Variants in GRIK4 observed in about 807,000 individuals in gnomAD.
GRIK4 encodes the protein glutamate receptor ionotropic, kainate 4.
A neutral mutation model predicts 104.9 loss-of-function variants in GRIK4; 40 were observed. The observed-to-expected ratio is 0.38, with a 90% CI of 0.30 to 0.50. The LOEUF (loss-of-function observed/expected upper bound fraction) is 0.50. Among genes scored for constraint, GRIK4 ranks in the 20% least tolerant of loss-of-function variants. GRIK4 has a pLI of 0.93. For missense variants in GRIK4, 1,047 were observed against 1,308.1 expected (o/e 0.80, Z 3.08); for synonymous variants, 485 against 524.9 (o/e 0.92, Z 1.04).
chr11:120,704,162 A>G (rs1334908210), intron 3 of GRIK4, among the ~76,000 whole-genome samples: 4 of 152,224 alleles, frequency 2.6e-5, no homozygotes, highest in South Asian at 2.1e-4. Flanking sequence ...AAGTTTTTGC[A>G]CAGTGCCTGG....
intron 1 of GRIK4, among the ~76,000 whole-genome samples, chr11:120,640,873 T>G (rs1230071895): frequency 1.3e-5 from 2 of 152,198 alleles, no homozygotes; most frequent in African/African-American, 4.8e-5. Flanking sequence ...CATGCCCAGC[T>G]AAGTTTTTTT....
intron 19 of GRIK4, among the ~76,000 whole-genome samples, chr11:120,970,688 C>T (rs1468179806): frequency 3.3e-5 from 5 of 152,090 alleles, no homozygotes. Context: ...AGTCTCCACT[C>T]ACGGACCTTG....
At chr11:120,648,806 T>G (rs894881678) in intron 1 of GRIK4, among the ~76,000 whole-genome samples, 8 of 80,924 alleles carry the variant, frequency 9.9e-5, no homozygotes, top group Non-Finnish European at 1.5e-4. Context: ...ACTTTTTAAG[T>G]GAAACAAACA....
At chr11:120,874,728 G>A (rs890372482) in intron 10 of GRIK4, among the ~76,000 whole-genome samples, 1 of 152,186 alleles carries the variant, frequency 6.6e-6, no homozygotes, top group Non-Finnish European at 1.5e-5. Context: ...ACAGTGTCTT[G>A]GACTTTGCAT....
intron 3 of GRIK4, among the ~76,000 whole-genome samples, chr11:120,718,379 A>T (rs946733420): frequency 2.0e-5 from 3 of 152,192 alleles, no homozygotes; most frequent in African/African-American, 7.2e-5. Context: ...TCAGGAGAGG[A>T]TACTTGCCAG....
intron 1 of GRIK4, among the ~76,000 whole-genome samples, chr11:120,601,912 C>T (rs1489945035): frequency 6.6e-6 from 1 of 152,104 alleles, no homozygotes; most frequent in Non-Finnish European, 1.5e-5. Context: ...TTTTCTGGTA[C>T]AGTGGGCTAA....
chr11:120,770,004 C>T (rs1484294740), intron 3 of GRIK4, among the ~76,000 whole-genome samples: 2 of 152,178 alleles, frequency 1.3e-5, no homozygotes, highest in Non-Finnish European at 2.9e-5. Context: ...AAATATTTCC[C>T]TCACTTCCAG....
rs574749354 is a variant in GRIK4, at chr11:120,753,387, C to G, written c.83-49306C>G. ...ACAAAGTGAATTAGGGTGGGAAAAT[C>G]AAACAGGTCAGGAGAGACTAGAACC... On this transcript the variant is annotated intron_variant, in intron 3 of 20. Coordinates refer to ENST00000527524, the MANE Select transcript of GRIK4 (RefSeq NM_014619.5). Among the ~76,000 whole-genome samples, 193 of 150,792 alleles carry G rather than the reference C, an allele frequency of 1.3e-3. 1 individual carries two copies. Among genetic ancestry groups the G allele is most frequent in the African/African-American group, 4.5e-3 (186 of 41,044 alleles).
chr11:120,918,590 G>T (rs573383502), intron 13 of GRIK4, among the ~76,000 whole-genome samples: 1 of 152,086 alleles, frequency 6.6e-6, no homozygotes, highest in Admixed American at 6.5e-5. Flanking sequence ...TCTACTTGTC[G>T]ATTTTTTTCC....
intron 3 of GRIK4, among the ~76,000 whole-genome samples, chr11:120,665,194 A>G (rs1208642092): frequency 1.3e-5 from 2 of 152,152 alleles, no homozygotes; most frequent in Non-Finnish European, 2.9e-5. Context: ...CATCTAATCC[A>G]CCGAGATTCA....
intron 3 of GRIK4, among the ~76,000 whole-genome samples, chr11:120,789,696 G>T (rs548857720): frequency 2.0e-5 from 3 of 152,166 alleles, no homozygotes; most frequent in Admixed American, 2.0e-4. Context: ...GGTTCTTCAT[G>T]CTCTTTTCCT....
At chr11:120,681,540 C>T (rs1950193501) in intron 3 of GRIK4, among the ~76,000 whole-genome samples, 1 of 152,192 alleles carries the variant, frequency 6.6e-6, no homozygotes, top group Non-Finnish European at 1.5e-5. Context: ...CTAGATTATC[C>T]CCTGGTTAAG....
At chr11:120,751,214 C>T (rs1164534861) in intron 3 of GRIK4, among the ~76,000 whole-genome samples, 3 of 151,986 alleles carry the variant, frequency 2.0e-5, no homozygotes, top group Non-Finnish European at 2.9e-5. Flanking sequence ...AGAACCCGTG[C>T]CTGGCAGGGG....
chr11:120,785,075 T>C (rs948203378), intron 3 of GRIK4, among the ~76,000 whole-genome samples: 33 of 152,156 alleles, frequency 2.2e-4, no homozygotes, highest in African/African-American at 7.5e-4. Flanking sequence ...TCCCGTCCCT[T>C]CTGCCTTCAT....
rs191223524 is a variant in GRIK4, at chr11:120,525,647, G to C, written c.-159+13760G>C. On this transcript the variant is annotated intron_variant, in intron 1 of 20. Coordinates refer to ENST00000527524, the MANE Select transcript of GRIK4 (RefSeq NM_014619.5). The stretch of plus-strand genomic sequence containing the variant: ...GCCGCGTGCTACGTCCCCGTGTCTA[G>C]GCTGGGGATGGGGGCAGAGTGGGAC... Among the ~76,000 whole-genome samples, 228 of 152,356 alleles carry C rather than the reference G, an allele frequency of 1.5e-3. 4 individuals are homozygous for C. Among genetic ancestry groups the C allele is most frequent in the Non-Finnish European group, 1.6e-3 (108 of 68,032 alleles).
intron 3 of GRIK4, among the ~76,000 whole-genome samples, chr11:120,790,003 G>A (rs912566728): frequency 6.6e-6 from 1 of 152,044 alleles, no homozygotes; most frequent in Admixed American, 6.5e-5. Flanking sequence ...GTAAAGTCTG[G>A]CTCTGTCCTC....
chr11:120,948,243 A>G (rs183996026), intron 14 of GRIK4, among the ~76,000 whole-genome samples: 1 of 152,198 alleles, frequency 6.6e-6, no homozygotes, highest in Non-Finnish European at 1.5e-5. Flanking sequence ...TGACTATATC[A>G]CAAGCAACCT....
intron 14 of GRIK4, among the ~76,000 whole-genome samples, chr11:120,944,089 G>A (rs993056084): frequency 1.3e-5 from 2 of 152,124 alleles, no homozygotes; most frequent in African/African-American, 4.8e-5. Flanking sequence ...TGGCTGAGGA[G>A]TCTGGCTTTG....
At chr11:120,716,974 G>A (rs914202295) in intron 3 of GRIK4, among the ~76,000 whole-genome samples, 7 of 152,308 alleles carry the variant, frequency 4.6e-5, no homozygotes, top group Admixed American at 1.3e-4. Context: ...TAGAGAGGGC[G>A]TGCTTAGGGA....
Sources: allele counts gnomAD v4.1 joint callset (sites outside exome capture counted in the v4.1 genomes callset), GRCh38; gene constraint gnomAD v4.1.1; transcripts MANE v1.5; gene names NCBI Gene and HGNC (gene_info 2026-07-23, HGNC 2026-07-21).